The following ANKDD1B variants were observed in gnomAD, a reference collection of about 807,000 sequenced individuals.
ANKDD1B encodes ankyrin repeat and death domain-containing protein 1B.
Under a neutral mutation model 59.7 loss-of-function variants are expected in ANKDD1B, and 57 were observed. The ratio of observed to expected loss-of-function variants is 0.95; its 90% CI spans 0.77 to 1.19. ANKDD1B has a LOEUF of 1.19. ANKDD1B is among the 50% of genes most tolerant of loss of function. ANKDD1B has a pLI of 0.00. For synonymous variants in ANKDD1B, 216 were observed against 239.5 expected (o/e 0.90, Z 0.91); for missense variants, 602 against 641.9 (o/e 0.94, Z 0.67).
chr5:75,619,188 T>C (rs1380216161), intron 2 of ANKDD1B, among the ~76,000 whole-genome samples: 1 of 152,206 alleles, frequency 6.6e-6, no homozygotes, highest in Non-Finnish European at 1.5e-5. Context: ...CTCATGCTTG[T>C]ATACCTGATA....
chr5:75,653,578 A>G (rs1262420027), intron 8 of ANKDD1B, among the ~76,000 whole-genome samples: 1 of 152,254 alleles, frequency 6.6e-6, no homozygotes, highest in South Asian at 2.1e-4. Context: ...AAGCAGCTGT[A>G]CATATCAAGA....
At chr5:75,615,034 G>C (rs1054983422) in intron 1 of ANKDD1B, among the ~76,000 whole-genome samples, 3 of 152,146 alleles carry the variant, frequency 2.0e-5, no homozygotes, top group Non-Finnish European at 2.9e-5. Flanking sequence ...CAGGTATTTT[G>C]TTATGGCAGC....
intron 12 of ANKDD1B, among the ~76,000 whole-genome samples, chr5:75,667,885 C>A (rs1160278125): frequency 6.6e-6 from 1 of 152,106 alleles, no homozygotes; most frequent in Non-Finnish European, 1.5e-5. Flanking sequence ...CTATTTATAC[C>A]ACATACAAGT....
chr5:75,617,468 T>C (rs187395298), intron 2 of ANKDD1B, among the ~76,000 whole-genome samples: 2 of 152,162 alleles, frequency 1.3e-5, no homozygotes, highest in Non-Finnish European at 2.9e-5. Context: ...GGAGGGAAAG[T>C]CCACTGCCAT....
chr5:75,624,916 C>A (rs1298939658), intron 3 of ANKDD1B, among the ~76,000 whole-genome samples: 2 of 152,152 alleles, frequency 1.3e-5, no homozygotes, highest in Non-Finnish European at 2.9e-5. Flanking sequence ...GGAAATGTTT[C>A]CAAGTCAATT....
At chr5:75,626,808 G>A (rs187805875) in intron 5 of ANKDD1B, among the ~76,000 whole-genome samples, 162 of 148,114 alleles carry the variant, frequency 1.1e-3, no homozygotes, top group African/African-American at 3.5e-3. Context: ...TGTTTGTTTT[G>A]TTTTCTTCAT....
In ANKDD1B at chr5:75,635,856, TG is replaced by T. The variant is rs200161079; in HGVS notation, c.774del (p.Trp258CysfsTer4). The T allele has an allele frequency of 4.6e-3, 6,993 of 1,533,336 alleles. 253 individuals carry two copies. The African/African-American group carries it at 0.077, about 17-fold the overall frequency. The allele number at this position is 1,533,336 out of a possible 1,614,324, so 95.0% of individuals were successfully genotyped here. ...SPAVQVLLAQ[W>X]QDINEMNELN... ...TGCAGTGCAGGTGCTGCTAGCCCAGTGGCAAGACATAAATGAGATGAATGAG... is the reference window on the plus strand; with the variant it reads ...TGCAGTGCAGGTGCTGCTAGCCCAGTGCAAGACATAAATGAGATGAATGAG... On this transcript the variant is annotated frameshift_variant, in exon 7 of 14. Transcript: ENST00000601380. LOFTEE classifies it high-confidence loss of function.
rs6861007 is a variant in ANKDD1B at position 75,660,770 on chromosome 5, G to C, written c.1095+1389G>C. Among the ~76,000 whole-genome samples, 1,451 of 152,334 alleles carry C rather than the reference G, an allele frequency of 9.5e-3. 28 individuals are homozygous for C. Among genetic ancestry groups the C allele is most frequent in the African/African-American group, 0.033 (1,388 of 41,572 alleles). ...CCAGTTTTCAAGAGCAGATTGGAGA[G>C]ATTCTGATGACATTGGGTCACACGC... On this transcript the variant is annotated intron_variant, in intron 10 of 13. Coordinates refer to ENST00000601380, the MANE Select transcript of ANKDD1B (RefSeq NM_001276713.2).
intron 7 of ANKDD1B, among the ~76,000 whole-genome samples, chr5:75,650,106 C>T (rs1373547060): frequency 6.6e-6 from 1 of 152,194 alleles, no homozygotes; most frequent in African/African-American, 2.4e-5. Flanking sequence ...TAGGCAGGGT[C>T]AGGTTCCCCA....
chr5:75,627,749 C>G lies in ANKDD1B; in HGVS notation c.600+1794C>G, dbSNP rs116878252. Among the ~76,000 whole-genome samples, 28 of 152,294 alleles carry G rather than the reference C, an allele frequency of 1.8e-4. 1 individual carries two copies. The East Asian group carries it at 5.4e-3, about 29-fold the overall frequency. On this transcript the variant is annotated intron_variant, in intron 5 of 13. Transcript: ENST00000601380. Reference sequence around the variant, plus strand: ...CAGTTATTTTCCCCTTCAATGTGCCCTGATTGCTTCCATGAAAGATGGTAG... The same window carrying G: ...CAGTTATTTTCCCCTTCAATGTGCCGTGATTGCTTCCATGAAAGATGGTAG...
chr5:75,635,572 T>A, intron 6 of ANKDD1B: 2 of 384,170 alleles, frequency 5.2e-6, no homozygotes, highest in Non-Finnish European at 9.2e-6. Context: ...CATGGATGAT[T>A]TTTTTCCTAC....
rs1238180057 is a variant in ANKDD1B, at chr5:75,631,455, T to C, written c.601-3443T>C. 2.0e-5 allele frequency among the ~76,000 whole-genome samples: 3 copies of C among 152,120 alleles called. No homozygotes were observed. In the South Asian group the frequency reaches 6.2e-4, roughly 32 times the overall value. On this transcript the variant is annotated intron_variant, in intron 5 of 13. Coordinates refer to ENST00000601380, the MANE Select transcript of ANKDD1B (RefSeq NM_001276713.2). ...TTATAAATTCCAGAAGGGGAAACCATCTTTTGGGCTTCTCTGAGTGCAGTG... is the reference window on the plus strand; with the variant it reads ...TTATAAATTCCAGAAGGGGAAACCACCTTTTGGGCTTCTCTGAGTGCAGTG...
chr5:75,618,141 G>A (rs1464316719), intron 2 of ANKDD1B, among the ~76,000 whole-genome samples: 1 of 151,962 alleles, frequency 6.6e-6, no homozygotes, highest in African/African-American at 2.4e-5. Flanking sequence ...AGAAAGGAAG[G>A]AAAGGCAGAA....
chr5:75,622,268 C>T (rs1468273098), intron 3 of ANKDD1B, among the ~76,000 whole-genome samples: 3 of 152,234 alleles, frequency 2.0e-5, no homozygotes, highest in Admixed American at 1.3e-4. Flanking sequence ...GAAGCATGCA[C>T]ATCACCTGCA....
chr5:75,650,792 G>T (rs1383568575), intron 7 of ANKDD1B, among the ~76,000 whole-genome samples: 5 of 152,268 alleles, frequency 3.3e-5, no homozygotes, highest in Admixed American at 6.5e-5. Flanking sequence ...AAACAACAAT[G>T]TATTATTATT....
At chr5:75,670,148 C>A (rs1017572914) in intron 13 of ANKDD1B, among the ~76,000 whole-genome samples, 14 of 152,218 alleles carry the variant, frequency 9.2e-5, no homozygotes, top group African/African-American at 3.1e-4. Flanking sequence ...TTTCCCTCAA[C>A]TTTTACCCTG....
chr5:75,617,360 A>C (rs1306625676), intron 2 of ANKDD1B, among the ~76,000 whole-genome samples: 1 of 152,142 alleles, frequency 6.6e-6, no homozygotes, highest in Non-Finnish European at 1.5e-5. Context: ...GTGGATTTTC[A>C]TTATACTGGT....
At chr5:75,635,620 A>C in intron 6 of ANKDD1B, 164 bp from the exon 7 acceptor site, 1 of 412,392 alleles carries the variant, frequency 2.4e-6, no homozygotes, top group Non-Finnish European at 4.3e-6. Context: ...TAAAACTTAA[A>C]AATGTATAAA....
Position 75,666,585 on chromosome 5 carries a change from C to T in ANKDD1B, c.1192-207C>T, listed in dbSNP as rs111425767. On this transcript the variant is annotated intron_variant, in intron 11 of 13. Transcript: ENST00000601380. The stretch of plus-strand genomic sequence containing the variant: ...CCTCACATTTCCTGTGTCAGACAGA[C>T]GGTACCCAAGCTTTTAATTTCAAGC... Among the ~76,000 whole-genome samples the T allele has an allele frequency of 9.8e-3, 1,471 of 150,736 alleles. 11 individuals are homozygous for T. The highest frequency in any genetic ancestry group is 0.027 in the Middle Eastern group (8 of 294).
Sources: allele counts gnomAD v4.1 joint callset (sites outside exome capture counted in the v4.1 genomes callset), GRCh38; gene constraint gnomAD v4.1.1; transcripts MANE v1.5; gene names NCBI Gene and HGNC (gene_info 2026-07-23, HGNC 2026-07-21).